SLC30A8: variants seen among roughly 807,000 people sequenced by gnomAD.
The protein encoded by SLC30A8 is solute carrier family 30 member 8, also known as proton-coupled zinc antiporter SLC30A8.
In SLC30A8, 27 loss-of-function variants were observed where a neutral mutation model predicts 36.9. That is an observed-to-expected ratio of 0.73 (90% CI 0.54 to 1.01). The LOEUF is 1.01. Among genes scored for constraint, SLC30A8 ranks in the 50% least tolerant of loss-of-function variants. The pLI is 0.00. For missense variants in SLC30A8, 439 were observed against 452.0 expected (o/e 0.97, Z 0.26); for synonymous variants, 164 against 172.4 (o/e 0.95, Z 0.38).
At chr8:117,079,830 T>G (rs1354603419) in intron 2 of SLC30A8, among the ~76,000 whole-genome samples, 1 of 152,224 alleles carries the variant, frequency 6.6e-6, no homozygotes, top group Non-Finnish European at 1.5e-5. Flanking sequence ...GCACCATAAT[T>G]TTGAATTCCC....
chr8:117,061,759 C>T (rs956805981), intron 2 of SLC30A8, among the ~76,000 whole-genome samples: 6 of 152,082 alleles, frequency 3.9e-5, no homozygotes, highest in South Asian at 2.1e-4. Context: ...GTCTGTGATC[C>T]GGAAAGCAGT....
intron 5 of SLC30A8, 97 bp downstream of exon 5, chr8:117,161,985 T>TTTAA: frequency 9.1e-7 from 1 of 1,097,516 alleles, no homozygotes; most frequent in Non-Finnish European, 1.3e-6. Flanking sequence ...GGGCATCCTC[T>TTTAA]GTTTACCTAT....
intron 2 of SLC30A8, among the ~76,000 whole-genome samples, chr8:117,150,376 AG>A (rs1822122452): frequency 6.6e-6 from 1 of 152,092 alleles, no homozygotes; most frequent in Non-Finnish European, 1.5e-5. Context: ...TCTCAGTTGG[AG>A]GTGGTTTGTG....
intron 6 of SLC30A8, among the ~76,000 whole-genome samples, chr8:117,168,032 C>A (rs1345708487): frequency 6.6e-6 from 1 of 152,184 alleles, no homozygotes; most frequent in South Asian, 2.1e-4. Flanking sequence ...TTTGTAAAAC[C>A]ATCAGATCTG....
At chr8:117,068,768 G>A (rs1818242783) in intron 2 of SLC30A8, among the ~76,000 whole-genome samples, 1 of 151,988 alleles carries the variant, frequency 6.6e-6, no homozygotes, top group African/African-American at 2.4e-5. Flanking sequence ...GTAGAGACGG[G>A]GTTTCACTAT....
rs537362164 is a variant in SLC30A8, at chr8:117,015,441, A to G, written c.-265-23778A>G. ...AGATAAAGGTCCTTTGAAGGTGGAA[A>G]AAAATATCTGGTTCATCTTTGTCTT... On this transcript the variant is annotated intron_variant, in intron 1 of 10. Transcript: ENST00000427715. 2.1e-4 allele frequency among the ~76,000 whole-genome samples: 32 copies of G among 152,266 alleles called. 1 individual carries two copies. In the South Asian group the frequency reaches 6.4e-3, roughly 31 times the overall value.
At chr8:117,096,966 C>G (rs116355208) in intron 2 of SLC30A8, among the ~76,000 whole-genome samples, 129 of 152,138 alleles carry the variant, frequency 8.5e-4, no homozygotes, top group African/African-American at 2.9e-3. Context: ...ATGACCATAG[C>G]CCCTATCTTT....
chr8:117,015,747 A>G (rs533136151), intron 1 of SLC30A8, among the ~76,000 whole-genome samples: 6 of 152,280 alleles, frequency 3.9e-5, no homozygotes, highest in African/African-American at 1.4e-4. Context: ...AAAGTAGGAA[A>G]CTTTGTAGTA....
chr8:117,056,960 A>G (rs886384959), intron 2 of SLC30A8, among the ~76,000 whole-genome samples: 3 of 152,202 alleles, frequency 2.0e-5, no homozygotes, highest in Non-Finnish European at 2.9e-5. Flanking sequence ...CACAAGTCAT[A>G]TTAACCTTTG....
chr8:117,073,510 T>C (rs933822248), intron 2 of SLC30A8, among the ~76,000 whole-genome samples: 1 of 152,208 alleles, frequency 6.6e-6, no homozygotes, highest in Admixed American at 6.5e-5. Context: ...TCTGCCCCAC[T>C]TGGCCTCCCA....
rs143632391 is a variant in SLC30A8 at position 117,062,114 on chromosome 8, A to C, written c.-226+22856A>C. 1.2e-3 allele frequency among the ~76,000 whole-genome samples: 187 copies of C among 152,248 alleles called. 1 individual carries two copies. Among genetic ancestry groups the C allele is most frequent in the Non-Finnish European group, 6.9e-4 (47 of 68,010 alleles). On this transcript the variant is annotated intron_variant, in intron 2 of 10. Coordinates refer to the SLC30A8 transcript ENST00000427715. ...GGAAGAAGTGGACTTTCCACACAGG[A>C]TCCAGGGAGGTAGATGTTGAGACTA... is the stretch of plus-strand genomic sequence containing the variant.
intron 1 of SLC30A8, among the ~76,000 whole-genome samples, chr8:117,029,956 T>A (rs915536818): frequency 2.0e-5 from 3 of 152,152 alleles, no homozygotes; most frequent in African/African-American, 7.2e-5. Context: ...GGTGCAATGT[T>A]TGTTTGTTTT....
intron 2 of SLC30A8, among the ~76,000 whole-genome samples, chr8:117,062,469 T>TGAGC (rs1818047983): frequency 6.6e-6 from 1 of 152,114 alleles, no homozygotes. Context: ...AGGTGTTTTT[T>TGAGC]AAACGATCAG....
intron 1 of SLC30A8, among the ~76,000 whole-genome samples, chr8:117,002,472 C>T (rs1816042693): frequency 6.6e-6 from 1 of 152,092 alleles, no homozygotes; most frequent in African/African-American, 2.4e-5. Context: ...GAATTCTCAC[C>T]CCACCATAAA....
At chr8:117,098,234 A>G (rs573899756) in intron 2 of SLC30A8, among the ~76,000 whole-genome samples, 56 of 151,542 alleles carry the variant, frequency 3.7e-4, no homozygotes, top group Admixed American at 2.0e-4. Flanking sequence ...TCATTTTTCT[A>G]TGAATACATG....
intron 2 of SLC30A8, among the ~76,000 whole-genome samples, chr8:117,070,480 G>A (rs1035521190): frequency 1.3e-5 from 2 of 152,202 alleles, no homozygotes; most frequent in Non-Finnish European, 2.9e-5. Context: ...AACATCTCCA[G>A]AAACCCAGAC....
intron 2 of SLC30A8, among the ~76,000 whole-genome samples, chr8:117,106,188 A>G (rs1819986698): frequency 6.6e-6 from 1 of 152,184 alleles, no homozygotes. Flanking sequence ...GTACTACTTA[A>G]TAGTAGCCAC....
chr8:117,146,848 A>G, intron 1 of SLC30A8, 106 bp from the exon 2 acceptor site: 2 of 1,526,160 alleles, frequency 1.3e-6, no homozygotes, highest in South Asian at 2.5e-5. Context: ...CTTCATAGCA[A>G]GTAAGCAAAT....
At chr8:117,157,589 C>G in intron 3 of SLC30A8, 102 bp from the exon 4 acceptor site, 1 of 1,352,318 alleles carries the variant, frequency 7.4e-7, no homozygotes, top group Non-Finnish European at 1.0e-6. Flanking sequence ...AATGTGAAGC[C>G]TTTTTGGGGG....
Sources: gnomAD v4.1 joint callset for allele counts (sites outside exome capture counted in the v4.1 genomes callset) on GRCh38, gnomAD v4.1.1 for gene constraint, MANE v1.5 for transcripts, NCBI Gene and HGNC (gene_info 2026-07-23, HGNC 2026-07-21) for gene names.